Variants in NALF1 observed in about 807,000 individuals in gnomAD.
The protein encoded by NALF1 is NALCN channel auxiliary factor 1.
Under a neutral mutation model 48.4 loss-of-function variants are expected in NALF1, and 3 were observed. The observed-to-expected ratio is 0.06, with a 90% CI of 0.03 to 0.16. NALF1 has a LOEUF of 0.16. NALF1 is among the 10% of genes least tolerant of loss of function. NALF1 has a pLI of 1.00. For synonymous variants in NALF1, 262 were observed against 245.7 expected, an observed-to-expected ratio of 1.07 and a Z score of -0.62; for missense variants, 526 against 571.5, an observed-to-expected ratio of 0.92 and a Z score of 0.81.
At chr13:107,534,928 T>C (rs1237296766) in intron 1 of NALF1, among the ~76,000 whole-genome samples, 2 of 152,140 alleles carry the variant, frequency 1.3e-5, no homozygotes, top group African/African-American at 4.8e-5. Context: ...GTTGTTGGTG[T>C]ATAATTATTT....
chr13:107,834,691 T>A (rs1001030237), intron 1 of NALF1, among the ~76,000 whole-genome samples: 1 of 152,228 alleles, frequency 6.6e-6, no homozygotes. Flanking sequence ...ATTCCCTGTT[T>A]AGATGATAAA....
intron 1 of NALF1, among the ~76,000 whole-genome samples, chr13:107,471,317 C>T (rs1199638507): frequency 6.6e-6 from 1 of 152,090 alleles, no homozygotes; most frequent in Non-Finnish European, 1.5e-5. Flanking sequence ...AAATAAGACA[C>T]ATGTACATAT....
intron 1 of NALF1, among the ~76,000 whole-genome samples, chr13:107,312,917 A>G (rs1182432846): frequency 6.6e-6 from 1 of 152,212 alleles, no homozygotes. Flanking sequence ...ACCACAAGAT[A>G]TTTGAGGAAA....
chr13:107,467,799 G>T (rs1290417380), intron 1 of NALF1, among the ~76,000 whole-genome samples: 1 of 152,130 alleles, frequency 6.6e-6, no homozygotes, highest in Non-Finnish European at 1.5e-5. Context: ...CCGGCACTTT[G>T]GGAGACCGAG....
chr13:107,776,815 A>G (rs1361027644), intron 1 of NALF1, among the ~76,000 whole-genome samples: 4 of 152,248 alleles, frequency 2.6e-5, no homozygotes, highest in Non-Finnish European at 5.9e-5. Flanking sequence ...AATTGGCCGG[A>G]CATGTTGGCT....
intron 1 of NALF1, among the ~76,000 whole-genome samples, chr13:107,653,295 G>A (rs889109110): frequency 6.7e-6 from 1 of 149,740 alleles, no homozygotes; most frequent in Admixed American, 6.6e-5. Flanking sequence ...TTTTATCGTA[G>A]GGGGAGAAGG....
chr13:107,365,677 G>A (rs1181595582), intron 1 of NALF1, among the ~76,000 whole-genome samples: 1 of 152,196 alleles, frequency 6.6e-6, no homozygotes, highest in Non-Finnish European at 1.5e-5. Flanking sequence ...TAGTATCCCT[G>A]TAATCTCATT....
chr13:107,439,164 T>C (rs1312425501), intron 1 of NALF1, among the ~76,000 whole-genome samples: 1 of 152,174 alleles, frequency 6.6e-6, no homozygotes, highest in African/African-American at 2.4e-5. Flanking sequence ...TGTAATCGAC[T>C]TATGTGTTAA....
intron 1 of NALF1, among the ~76,000 whole-genome samples, chr13:107,823,721 T>C (rs988822339): frequency 6.6e-6 from 1 of 152,190 alleles, no homozygotes; most frequent in Non-Finnish European, 1.5e-5. Context: ...GACACAATTT[T>C]ATATATGTTC....
At chr13:107,694,192 G>T (rs1355411722) in intron 1 of NALF1, among the ~76,000 whole-genome samples, 21 of 152,186 alleles carry the variant, frequency 1.4e-4, no homozygotes, top group Non-Finnish European at 4.4e-5. Flanking sequence ...AGGAGACGCC[G>T]TTTCAAATCC....
At chr13:107,433,615 A>G (rs1884418154) in intron 1 of NALF1, among the ~76,000 whole-genome samples, 1 of 152,164 alleles carries the variant, frequency 6.6e-6, no homozygotes, top group African/African-American at 2.4e-5. Flanking sequence ...ATATATGTGC[A>G]ATAAAATGAT....
At chr13:107,381,667 A>G (rs1883442701) in intron 1 of NALF1, among the ~76,000 whole-genome samples, 1 of 152,108 alleles carries the variant, frequency 6.6e-6, no homozygotes, top group Non-Finnish European at 1.5e-5. Flanking sequence ...AATATCTAAC[A>G]GTAAGGGAGT....
At chr13:107,820,328 A>C (rs9520593) in intron 1 of NALF1, among the ~76,000 whole-genome samples, 4,271 of 152,286 alleles carry the variant, frequency 0.028, 74 homozygotes, top group Non-Finnish European at 0.042. Flanking sequence ...ACTCGTTGCT[A>C]ACCATATATT....
rs143090902 is a variant in NALF1, at chr13:107,474,208, C to T, written c.916-263453G>A. ...TTATTATAGTAACTCAAATCCCTAA[C>T]ATTGTCAATGGAACAAGGACTAAAT... On this transcript the variant is annotated intron_variant, in intron 1 of 2. Transcript: ENST00000375915. Among the ~76,000 whole-genome samples, 938 of 152,280 alleles carry T rather than the reference C, an allele frequency of 6.2e-3. 10 individuals are homozygous for T. Among genetic ancestry groups the T allele is most frequent in the African/African-American group, 0.021 (873 of 41,558 alleles).
At chr13:107,368,229 G>A (rs939442140) in intron 1 of NALF1, among the ~76,000 whole-genome samples, 1 of 152,046 alleles carries the variant, frequency 6.6e-6, no homozygotes, top group African/African-American at 2.4e-5. Flanking sequence ...TCCATAGAAA[G>A]CTCTCCACTA....
At chr13:107,430,075 T>C (rs1455961265) in intron 1 of NALF1, among the ~76,000 whole-genome samples, 5 of 152,238 alleles carry the variant, frequency 3.3e-5, no homozygotes, top group Admixed American at 6.5e-5. Flanking sequence ...TATCCATTTC[T>C]GCAGAATATA....
At chr13:107,541,915 T>C (rs1332029047) in intron 1 of NALF1, among the ~76,000 whole-genome samples, 1 of 151,942 alleles carries the variant, frequency 6.6e-6, no homozygotes, top group Non-Finnish European at 1.5e-5. Context: ...AAAAGATTCC[T>C]TGATAACTAT....
chr13:107,390,763 C>T (rs1371181806), intron 1 of NALF1, among the ~76,000 whole-genome samples: 1 of 151,982 alleles, frequency 6.6e-6, no homozygotes, highest in East Asian at 1.9e-4. Flanking sequence ...TGCCAGACTT[C>T]ACATAAAAAG....
intron 1 of NALF1, among the ~76,000 whole-genome samples, chr13:107,414,288 A>G (rs1209552535): frequency 2.0e-5 from 3 of 151,688 alleles, no homozygotes; most frequent in African/African-American, 7.2e-5. Context: ...AAACATCTGA[A>G]GTAATAATCT....
Sources: gnomAD v4.1 joint callset for allele counts (sites outside exome capture counted in the v4.1 genomes callset) on GRCh38, gnomAD v4.1.1 for gene constraint, MANE v1.5 for transcripts, NCBI Gene and HGNC (gene_info 2026-07-23, HGNC 2026-07-21) for gene names.